Variants in ARHGAP23 observed in about 807,000 individuals in gnomAD.
The protein encoded by ARHGAP23 is rho GTPase-activating protein 23.
A neutral mutation model predicts 136.3 loss-of-function variants in ARHGAP23; 34 were observed. The ratio of observed to expected loss-of-function variants is 0.25; its 90% CI spans 0.19 to 0.33. ARHGAP23 has a LOEUF of 0.33. ARHGAP23 is among the 10% of genes least tolerant of loss of function. ARHGAP23 has a pLI of 1.00. For synonymous variants in ARHGAP23, 832 were observed against 920.5 expected (o/e 0.90, Z 1.74); for missense variants, 1,808 against 2,139.0 (o/e 0.85, Z 3.05).
chr17:38,509,799 C>A (rs1039788510), intron 23 of ARHGAP23, 145 bp from the exon 24 acceptor site: 25 of 554,020 alleles, frequency 4.5e-5, no homozygotes, highest in Non-Finnish European at 6.8e-5. Context: ...GGAGGAGGAG[C>A]GTTTTATGAT....
At chr17:38,470,865 A>C (rs2039736723) in intron 10 of ARHGAP23, among the ~76,000 whole-genome samples, 1 of 152,088 alleles carries the variant, frequency 6.6e-6, no homozygotes, top group South Asian at 2.1e-4. Context: ...TCGGTCTCCC[A>C]AAATGCTGGG....
chr17:38,504,500 A>G (rs1183500216), intron 23 of ARHGAP23, among the ~76,000 whole-genome samples: 5 of 152,194 alleles, frequency 3.3e-5, no homozygotes, highest in Admixed American at 2.6e-4. Flanking sequence ...AAATCCTGCA[A>G]GTGCCGGACA....
chr17:38,490,044 G>A lies in ARHGAP23; in HGVS notation c.2987-58G>A, dbSNP rs184255397. On this transcript the variant is annotated intron_variant, in intron 17 of 23. Coordinates refer to ENST00000622683, the MANE Select transcript of ARHGAP23 (RefSeq NM_001199417.2). ...AGCCCTCCCAGCAGGGCCCTTGGCC[G>A]GGAGAACAGGGGAAGGCGCTGCCCC... The A allele has an allele frequency of 3.8e-5, 57 of 1,508,190 alleles. No individual in the cohort carries two copies. In the Admixed American group the frequency reaches 4.5e-4, roughly 12 times the overall value. The allele number at this position is 1,508,190 out of a possible 1,614,324, so 93.4% of individuals were successfully genotyped here.
chr17:38,504,978 C>CTTTTTTTTTTTT lies in ARHGAP23; in HGVS notation c.3447+4384_3447+4395dup, dbSNP rs71138627. Among the ~76,000 whole-genome samples, 29 of 43,168 alleles carry CTTTTTTTTTTTT rather than the reference C, an allele frequency of 6.7e-4. 7 individuals carry two copies. Among genetic ancestry groups the CTTTTTTTTTTTT allele is most frequent in the Admixed American group, 1.3e-3 (3 of 2,276 alleles). 28.3% of individuals were successfully genotyped at this position (43,168 alleles called of 152,430 possible). ...ATTACTCAGAAGCCTCCCTTATCAT[C>CTTTTTTTTTTTT]TTTTTTTTTTTTTTTTTTTTTTTTT... On this transcript the variant is annotated intron_variant, in intron 23 of 23. Transcript: ENST00000622683.
chr17:38,420,859 G>C (rs1415470591), intron 1 of ARHGAP23, among the ~76,000 whole-genome samples: 1 of 152,190 alleles, frequency 6.6e-6, no homozygotes, highest in Non-Finnish European at 1.5e-5. Flanking sequence ...GGGAAGAGTA[G>C]TAAATGCCAC....
chr17:38,443,976 C>G (rs2038976578), intron 1 of ARHGAP23, among the ~76,000 whole-genome samples: 1 of 152,096 alleles, frequency 6.6e-6, no homozygotes, highest in African/African-American at 2.4e-5. Context: ...AGCGTGAGAC[C>G]AGGGGATGGA....
At chr17:38,440,122 G>T (rs1406751439) in intron 1 of ARHGAP23, among the ~76,000 whole-genome samples, 1 of 152,094 alleles carries the variant, frequency 6.6e-6, no homozygotes, top group Non-Finnish European at 1.5e-5. Flanking sequence ...GGGTTCAAGC[G>T]ATTCTCCTGC....
Position 38,482,582 on chromosome 17 carries a change from C to T in ARHGAP23, c.2811C>T (p.Ser937=), listed in dbSNP as rs1425261889. The change falls in exon 16 of 24, where the codon TCC becomes TCT. Residue 937 remains serine, a synonymous_variant. Transcript: ENST00000622683. ...TTGTGGAGGCACGAGGGCTGGAGTC[C>T]ACAGGCATTTACCGAGTGCCCGGCA... The part of the protein sequence containing the change: ...CRIVEARGLE[S]TGIYRVPGNN... 1 of 1,550,338 alleles carries T rather than the reference C, an allele frequency of 6.5e-7. No homozygotes were observed. The highest frequency in any genetic ancestry group is 8.7e-7 in the Non-Finnish European group (1 of 1,146,616).
At position 38,510,361 on chromosome 17, in the gene ARHGAP23, A is replaced by C. The variant is rs2040729975; in HGVS notation, c.3865A>C (p.Thr1289Pro). 8.0e-7 allele frequency: 1 copy of C among 1,246,850 alleles called. No individual in the cohort carries two copies. Among genetic ancestry groups the C allele is most frequent in the Non-Finnish European group, 1.0e-6 (1 of 997,364 alleles). 77.2% of individuals were successfully genotyped at this position (1,246,850 alleles called of 1,614,324 possible). Residue 1289 changes from threonine (T) to proline (P), a missense_variant, in exon 24 of 24, where the codon ACT becomes CCT. Thr to Pro is a conservative substitution (Grantham distance 38). Transcript: ENST00000622683. This position sits in a 1 kb window ranked among gnomAD's most constrained non-coding sequence, Gnocchi z 4.6. Reference sequence around the variant, plus strand: ...CGAGCTGAGCCACGTGGAGACGGACACTGAGGGCGCGGCGGGCGCGGGGCC... The same window carrying C: ...CGAGCTGAGCCACGTGGAGACGGACCCTGAGGGCGCGGCGGGCGCGGGGCC... ...RSELSHVETD[T>P]EGAAGAGPGG...
At chr17:38,428,642 C>A in intron 1 of ARHGAP23, 94 bp downstream of exon 1, 1 of 849,328 alleles carries the variant, frequency 1.2e-6, no homozygotes, top group Non-Finnish European at 1.6e-6. Flanking sequence ...TCGCCCTGCA[C>A]AGCCTGGGGC....
intron 15 of ARHGAP23, among the ~76,000 whole-genome samples, 183 bp from the exon 16 acceptor site, chr17:38,482,340 C>T (rs754393266): frequency 5.2e-5 from 8 of 152,382 alleles, no homozygotes; most frequent in Non-Finnish European, 4.4e-5. Context: ...CTGAGCCCGG[C>T]TCCTTCTCAG....
intron 23 of ARHGAP23, among the ~76,000 whole-genome samples, chr17:38,502,984 G>A (rs1014239428): frequency 2.0e-5 from 3 of 152,220 alleles, no homozygotes; most frequent in Admixed American, 2.0e-4. Context: ...GGTTGAGGCT[G>A]CAGTGATGAG....
intron 23 of ARHGAP23, among the ~76,000 whole-genome samples, chr17:38,501,452 C>T (rs1273250055): frequency 6.6e-6 from 1 of 152,112 alleles, no homozygotes; most frequent in Non-Finnish European, 1.5e-5. Context: ...CAGGCGCCCA[C>T]CATCACGTCC....
chr17:38,491,363 T>C, intron 19 of ARHGAP23, 44 bp from the exon 20 acceptor site: 1 of 1,549,240 alleles, frequency 6.5e-7, no homozygotes, highest in Non-Finnish European at 8.7e-7. Flanking sequence ...GAGGGAGGAC[T>C]GAGGTCAGGA....
intron 1 of ARHGAP23, among the ~76,000 whole-genome samples, chr17:38,455,816 G>C (rs1232780442): frequency 6.6e-6 from 1 of 152,150 alleles, no homozygotes; most frequent in African/African-American, 2.4e-5. Flanking sequence ...GGGAAATCCG[G>C]GGGATTTCAG....
chr17:38,490,077 C>G, intron 17 of ARHGAP23, 25 bp from the exon 18 acceptor site: 1 of 1,550,890 alleles, frequency 6.4e-7, no homozygotes, highest in Non-Finnish European at 8.7e-7. Context: ...CCCCACCTCT[C>G]TAAAGAGTCT....
intron 14 of ARHGAP23, among the ~76,000 whole-genome samples, chr17:38,481,753 T>C (rs1269352589): frequency 6.6e-6 from 1 of 152,174 alleles, no homozygotes. Flanking sequence ...AGACTCTATC[T>C]CTAAAGAAAC....
intron 1 of ARHGAP23, among the ~76,000 whole-genome samples, chr17:38,455,129 C>T (rs917937664): frequency 6.6e-6 from 1 of 152,192 alleles, no homozygotes; most frequent in Admixed American, 6.5e-5. Context: ...ACTTCCCCCA[C>T]CTCAAGATGA....
chr17:38,510,210 GC>G lies in ARHGAP23; in HGVS notation c.3716del (p.Pro1239ArgfsTer44). 1 of 1,370,568 alleles carries G rather than the reference GC, an allele frequency of 7.3e-7. No homozygotes were observed. 84.9% of individuals were successfully genotyped at this position (1,370,568 alleles called of 1,614,324 possible). On this transcript the variant is annotated frameshift_variant, in exon 24 of 24. Transcript: ENST00000622683. LOFTEE classifies it high-confidence loss of function. This position sits in a 1 kb window ranked among gnomAD's most constrained non-coding sequence, Gnocchi z 4.6. ...LSPPAAPEER[P>X]AADTRSIVSG... is the part of the protein sequence containing the mutation. ...GTCCCCCGGCGGCGCCGGAGGAGCG[GC>G]CGGCCGCGGACACGCGCTCCATTGT...
Sources: gnomAD v4.1 joint callset for allele counts (sites outside exome capture counted in the v4.1 genomes callset) on GRCh38, gnomAD v4.1.1 for gene constraint, Gnocchi (gnomAD v3.1) non-coding constraint, MANE v1.5 for transcripts, NCBI Gene and HGNC (gene_info 2026-07-23, HGNC 2026-07-21) for gene names.